The following WDTC1 variants were observed in gnomAD, a reference collection of about 807,000 sequenced individuals.
WDTC1 encodes WD and tetratricopeptide repeats 1, also known as WD and tetratricopeptide repeats protein 1.
In WDTC1, 12 loss-of-function variants were observed where a neutral mutation model predicts 76.0. The ratio of observed to expected loss-of-function variants is 0.16; its 90% CI spans 0.10 to 0.26. WDTC1 has a LOEUF of 0.26. WDTC1 is among the 10% of genes least tolerant of loss of function. WDTC1 has a pLI of 1.00. For synonymous variants in WDTC1, 326 were observed against 350.8 expected, an observed-to-expected ratio of 0.93 and a Z score of 0.79; for missense variants, 511 against 908.8, an observed-to-expected ratio of 0.56 and a Z score of 5.63.
At position 27,306,478 on chromosome 1, in the gene WDTC1, C is replaced by A; in HGVS notation, c.*95C>A. 1 of 1,397,056 alleles carries A rather than the reference C, an allele frequency of 7.2e-7. No homozygotes were observed. Among genetic ancestry groups the A allele is most frequent in the Non-Finnish European group, 9.5e-7 (1 of 1,049,184 alleles). The allele number at this position is 1,397,056 out of a possible 1,614,324, so 86.5% of individuals were successfully genotyped here. On this transcript the variant is annotated 3_prime_UTR_variant, in exon 16 of 16. Transcript: ENST00000319394. The surrounding 1 kb of genome is among the most constrained non-coding windows in gnomAD (Gnocchi z 5.0). ...TTCTGTTTTGGTTTGTCTTCCCCAC[C>A]ACCCTTTTTTTTCATTTCCCCTGTT...
Position 27,261,144 on chromosome 1 carries a change from CT to C in WDTC1, c.48+45del, listed in dbSNP as rs751881749. On this transcript the variant is annotated intron_variant, in intron 2 of 15. Coordinates refer to ENST00000319394, the MANE Select transcript of WDTC1 (RefSeq NM_001276252.2). ...TCTGCACCAGATCATGAGATCTTTT[CT>C]TTCCCACAGATTGATTTTACAGATG... 6 of 1,610,978 alleles carry C rather than the reference CT, an allele frequency of 3.7e-6. No individual in the cohort carries two copies. In the South Asian group the frequency reaches 6.6e-5, roughly 18 times the overall value.
chr1:27,306,326 CG>C lies in WDTC1; in HGVS notation c.1981del (p.Ala661ProfsTer65). 6.2e-7 allele frequency: 1 copy of C among 1,613,904 alleles called. No homozygotes were observed. ...RITGLSSGGA[G>X]ASDDEDSSEG... ...TCACGGGCCTGAGCAGTGGGGGTGC[CG>C]GGGCCTCTGATGATGAGGACAGCTC... is the stretch of plus-strand genomic sequence containing the variant. On this transcript the variant is annotated frameshift_variant, in exon 16 of 16. Transcript: ENST00000319394. LOFTEE classifies it high-confidence loss of function. The surrounding 1 kb of genome is among the most constrained non-coding windows in gnomAD (Gnocchi z 5.0).
chr1:27,262,513 C>T (rs1050844127), intron 2 of WDTC1, among the ~76,000 whole-genome samples: 13 of 152,040 alleles, frequency 8.6e-5, no homozygotes. Flanking sequence ...CTCAGCCTCC[C>T]GAGTAGCTGG....
At chr1:27,290,910 G>A (rs1298719082) in intron 6 of WDTC1, among the ~76,000 whole-genome samples, 1 of 152,206 alleles carries the variant, frequency 6.6e-6, no homozygotes, top group Non-Finnish European at 1.5e-5. Context: ...ATTTGACTGG[G>A]GTAAGTCACT....
intron 1 of WDTC1, among the ~76,000 whole-genome samples, chr1:27,236,892 G>A (rs2011500575): frequency 6.6e-6 from 1 of 152,150 alleles, no homozygotes; most frequent in Non-Finnish European, 1.5e-5. Context: ...AGGCTGAAGT[G>A]CAGTGGCGCG....
chr1:27,299,028 A>G (rs995832042), intron 12 of WDTC1, among the ~76,000 whole-genome samples: 5 of 152,206 alleles, frequency 3.3e-5, no homozygotes, highest in African/African-American at 9.7e-5. Flanking sequence ...GTGGTAGCCA[A>G]ACCCAGGAGA....
intron 3 of WDTC1, among the ~76,000 whole-genome samples, chr1:27,273,210 T>TC (rs1451361261): frequency 2.0e-4 from 28 of 138,094 alleles, no homozygotes; most frequent in East Asian, 1.2e-3. Flanking sequence ...TCTTTTCTTT[T>TC]TTTTTTTTTT....
intron 9 of WDTC1, among the ~76,000 whole-genome samples, 172 bp from the exon 10 acceptor site, chr1:27,296,154 T>C (rs1365359307): frequency 6.6e-6 from 1 of 152,132 alleles, no homozygotes; most frequent in Non-Finnish European, 1.5e-5. Flanking sequence ...CTAGGAAGAT[T>C]TTCCAGCCTG....
At position 27,301,235 on chromosome 1, in the gene WDTC1, C is replaced by G; in HGVS notation, c.1242C>G (p.Asp414Glu). ...AAYMKRKWDG[D>E]HYDALRDCLK... ...TTCCCTGCCTTCCCAGGGATGGTGA[C>G]CACTATGATGCCCTGAGGGACTGCC... The change falls in exon 13 of 16, where the codon GAC (aspartate) becomes GAG (glutamate). Residue 414 changes from aspartate to glutamate, a missense_variant. Transcript: ENST00000319394. The surrounding 1 kb of genome is among the most constrained non-coding windows in gnomAD (Gnocchi z 5.8). 1.2e-6 allele frequency: 2 copies of G among 1,613,942 alleles called. No individual in the cohort carries two copies. The highest frequency in any genetic ancestry group is 1.7e-6 in the Non-Finnish European group (2 of 1,179,978).
intron 1 of WDTC1, among the ~76,000 whole-genome samples, chr1:27,243,061 CTT>C (rs2011680240): frequency 6.6e-6 from 1 of 152,122 alleles, no homozygotes; most frequent in Non-Finnish European, 1.5e-5. Context: ...AAATGGCACT[CTT>C]TAAATTTGTG....
intron 6 of WDTC1, among the ~76,000 whole-genome samples, chr1:27,290,103 G>T (rs566030981): frequency 1.3e-5 from 2 of 152,066 alleles, no homozygotes; most frequent in African/African-American, 4.8e-5. Flanking sequence ...CTGAGACAGG[G>T]TCTCACTCCA....
At position 27,294,128 on chromosome 1, in the gene WDTC1, C is replaced by T. The variant is rs767238607; in HGVS notation, c.757+12C>T. 2.5e-6 allele frequency: 4 copies of T among 1,612,864 alleles called. No individual in the cohort carries two copies. Among genetic ancestry groups the T allele is most frequent in the Admixed American group, 3.3e-5 (2 of 59,856 alleles). ...GTATTACGTAGCAGGTAGCGCTCAG[C>T]ACAGCTCTGGCCCCAAACTCTCGGC... On this transcript the variant is annotated intron_variant, in intron 8 of 15. Transcript: ENST00000319394.
rs1357998647 is a variant in WDTC1, at chr1:27,306,083, T to C, written c.1837-103T>C. On this transcript the variant is annotated intron_variant, in intron 15 of 15. Transcript: ENST00000319394. The surrounding 1 kb of genome is among the most constrained non-coding windows in gnomAD (Gnocchi z 5.0). ...TGGCATGTATGTGTACCTCCCCCTA[T>C]AGATAGTTTAGTCTGTGTATTTCCC... 120 of 1,293,670 alleles carry C rather than the reference T, an allele frequency of 9.3e-5. No individual in the cohort carries two copies. Among genetic ancestry groups the C allele is most frequent in the Non-Finnish European group, 1.3e-4 (118 of 920,408 alleles). The allele number at this position is 1,293,670 out of a possible 1,614,324, so 80.1% of individuals were successfully genotyped here. A position where few individuals can be genotyped will look rare whatever the true frequency, so the allele number is the denominator to read the frequency against.
chr1:27,240,219 C>A (rs1231185526), intron 1 of WDTC1, among the ~76,000 whole-genome samples: 1 of 152,152 alleles, frequency 6.6e-6, no homozygotes, highest in Non-Finnish European at 1.5e-5. Context: ...CTCTTATAAT[C>A]TTCAGAGCTC....
chr1:27,271,763 G>A (rs980189770), intron 3 of WDTC1, among the ~76,000 whole-genome samples: 1 of 150,424 alleles, frequency 6.6e-6, no homozygotes, highest in African/African-American at 2.4e-5. Context: ...TCAGCCTCCC[G>A]AGCAGCTGGG....
chr1:27,282,372 G>T, intron 4 of WDTC1, 87 bp downstream of exon 4: 1 of 1,342,622 alleles, frequency 7.4e-7, no homozygotes, highest in South Asian at 1.2e-5. Flanking sequence ...AGGATCCAAG[G>T]AAAAGATTGG....
intron 2 of WDTC1, among the ~76,000 whole-genome samples, chr1:27,262,618 C>T (rs1250843224): frequency 6.6e-6 from 1 of 151,982 alleles, no homozygotes; most frequent in Middle Eastern, 3.2e-3. Flanking sequence ...GAACTCCTGA[C>T]CTCAGGTTCC....
chr1:27,234,450 G>A, upstream of WDTC1: 4 of 255,792 alleles, frequency 1.6e-5, no homozygotes, highest in Non-Finnish European at 2.2e-5. Context: ...ACGGCGGTGC[G>A]GGGCTCCCCC....
Position 27,301,698 on chromosome 1 carries a change from G to T in WDTC1, c.1468+237G>T, listed in dbSNP as rs1215758591. On this transcript the variant is annotated intron_variant, in intron 13 of 15. Transcript: ENST00000319394. This position sits in a 1 kb window ranked among gnomAD's most constrained non-coding sequence, Gnocchi z 5.8. Reference sequence around the variant, plus strand: ...TATTGAGGATCAGCATGTTTAAATGGCATGTTTAAAGCACCTGGGGGAGTG... The same window carrying T: ...TATTGAGGATCAGCATGTTTAAATGTCATGTTTAAAGCACCTGGGGGAGTG... Among the ~76,000 whole-genome samples, 1 of 152,076 alleles carries T rather than the reference G, an allele frequency of 6.6e-6. No individual in the cohort carries two copies. Among genetic ancestry groups the T allele is most frequent in the African/African-American group, 2.4e-5 (1 of 41,402 alleles).
Sources: allele counts gnomAD v4.1 joint callset (sites outside exome capture counted in the v4.1 genomes callset), GRCh38; gene constraint gnomAD v4.1.1; non-coding constraint Gnocchi (gnomAD v3.1); transcripts MANE v1.5; gene names NCBI Gene and HGNC (gene_info 2026-07-23, HGNC 2026-07-21).